The following NAPG variants were observed in gnomAD, a reference collection of about 807,000 sequenced individuals.
NAPG encodes gamma-soluble NSF attachment protein.
In NAPG, 25 loss-of-function variants were observed where a neutral mutation model predicts 48.4. The observed-to-expected ratio is 0.52, with a 90% CI of 0.38 to 0.72. The LOEUF (loss-of-function observed/expected upper bound fraction) is 0.72. NAPG is among the 30% of genes least tolerant of loss of function. The probability of loss-of-function intolerance (pLI) is 0.00; values close to 1 mark genes in which losing one functional copy is unlikely to be tolerated. For synonymous variants in NAPG, 139 were observed against 127.2 expected (o/e 1.09, Z -0.62); for missense variants, 359 against 372.5 (o/e 0.96, Z 0.30).
chr18:10,538,037 A>G (rs2032071017), intron 5 of NAPG, among the ~76,000 whole-genome samples: 1 of 152,120 alleles, frequency 6.6e-6, no homozygotes, highest in African/African-American at 2.4e-5. Flanking sequence ...TCAACACTAA[A>G]TAAGTTGCTT....
intron 1 of NAPG, 35 bp downstream of exon 1, chr18:10,526,193 C>T (rs1598407816): frequency 6.4e-7 from 1 of 1,560,526 alleles, no homozygotes; most frequent in East Asian, 2.3e-5. Flanking sequence ...TGTGTGTAGA[C>T]GCCGGGTCCG....
Position 10,546,264 on chromosome 18 carries a change from A to G in NAPG, c.507-62A>G. Reference sequence around the variant, plus strand: ...ATCTATGATGTCAAGTACATTTCACAGGGGACCTCTGCTATAGATCATTTA... The same window carrying G: ...ATCTATGATGTCAAGTACATTTCACGGGGGACCTCTGCTATAGATCATTTA... On this transcript the variant is annotated intron_variant, in intron 8 of 11. Transcript: ENST00000322897. The surrounding 1 kb of genome is among the most constrained non-coding windows in gnomAD (Gnocchi z 4.0). The G allele has an allele frequency of 1.9e-6, 2 of 1,047,870 alleles. No homozygotes were observed. Among genetic ancestry groups the G allele is most frequent in the Non-Finnish European group, 2.8e-6 (2 of 720,232 alleles). 64.9% of individuals were successfully genotyped at this position (1,047,870 alleles called of 1,614,324 possible). A position where few individuals can be genotyped will look rare whatever the true frequency, so the allele number is the denominator to read the frequency against.
Position 10,540,345 on chromosome 18 carries a change from G to A in NAPG, c.452G>A (p.Arg151Gln), listed in dbSNP as rs200300448. The A allele has an allele frequency of 6.2e-5, 100 of 1,613,684 alleles. No homozygotes were observed. The highest frequency in any genetic ancestry group is 3.8e-4 in the South Asian group (35 of 91,060). The change falls in exon 8 of 12, where the codon CGA (arginine) becomes CAA (glutamine). Residue 151 changes from arginine to glutamine, a missense_variant. Transcript: ENST00000322897. ...ANVFENEERL[R>Q]QAVELLGKAS... Reference sequence around the variant, plus strand: ...TTCCTTCAGAATGAAGAACGCTTACGACAGGCAGTTGAATTACTAGGAAAA... The same window carrying A: ...TTCCTTCAGAATGAAGAACGCTTACAACAGGCAGTTGAATTACTAGGAAAA...
At position 10,543,729 on chromosome 18, in the gene NAPG, G is replaced by T. The variant is rs1055956704; in HGVS notation, c.507-2597G>T. On this transcript the variant is annotated intron_variant, in intron 8 of 11. Transcript: ENST00000322897. The surrounding 1 kb of genome is among the most constrained non-coding windows in gnomAD (Gnocchi z 4.4). ...ATAAAAACAATTTATTCTTTTTTCA[G>T]CAAAACCAAATTCTTGTCATTTTGT... Among the ~76,000 whole-genome samples, 3 of 152,086 alleles carry T rather than the reference G, an allele frequency of 2.0e-5. No individual in the cohort carries two copies. The highest frequency in any genetic ancestry group is 7.2e-5 in the African/African-American group (3 of 41,434).
At chr18:10,532,193 G>C (rs546680134) in intron 2 of NAPG, among the ~76,000 whole-genome samples, 10 of 151,860 alleles carry the variant, frequency 6.6e-5, no homozygotes, top group Non-Finnish European at 1.5e-4. Flanking sequence ...TTCATAGATA[G>C]TAAACAGTAT....
rs1176198043 is a variant in NAPG, at chr18:10,534,539, T to G, written c.258+43T>G. On this transcript the variant is annotated intron_variant, in intron 5 of 11. Transcript: ENST00000322897. This position sits in a 1 kb window ranked among gnomAD's most constrained non-coding sequence, Gnocchi z 5.0. ...ACAATTGTTGTGTAGGTAAAATGAATTAACTACAAGGTGTTAAACAAGAAT... is the reference window on the plus strand; with the variant it reads ...ACAATTGTTGTGTAGGTAAAATGAAGTAACTACAAGGTGTTAAACAAGAAT... The G allele has an allele frequency of 3.1e-6, 5 of 1,589,146 alleles. No individual in the cohort carries two copies. In the Admixed American group the frequency reaches 6.7e-5, roughly 21 times the overall value.
chr18:10,530,667 CTTTTT>C (rs71169932), intron 1 of NAPG, 98 bp from the exon 2 acceptor site: 21 of 480,760 alleles, frequency 4.4e-5, no homozygotes, highest in Admixed American at 9.7e-5. Context: ...ATGGTTTCTC[CTTTTT>C]TTTTTTTTTT....
rs1339138803 is a variant in NAPG, at chr18:10,544,447, T to C, written c.507-1879T>C. ...CAGAATTGATTTCCTTGCAGCTGTG[T>C]GGAAGAGATTCCTGTTTTCTTGTTG... On this transcript the variant is annotated intron_variant, in intron 8 of 11. Coordinates refer to ENST00000322897, the MANE Select transcript of NAPG (RefSeq NM_003826.3). This position sits in a 1 kb window ranked among gnomAD's most constrained non-coding sequence, Gnocchi z 5.1. Among the ~76,000 whole-genome samples the C allele has an allele frequency of 1.3e-5, 2 of 152,242 alleles. No individual in the cohort carries two copies. The highest frequency in any genetic ancestry group is 4.8e-5 in the African/African-American group (2 of 41,464).
At chr18:10,529,508 C>T (rs768659010) in intron 1 of NAPG, among the ~76,000 whole-genome samples, 8 of 152,198 alleles carry the variant, frequency 5.3e-5, no homozygotes, top group Middle Eastern at 3.2e-3. Flanking sequence ...AATTCTAGCT[C>T]TTTGGGAGGC....
Position 10,543,665 on chromosome 18 carries a change from A to G in NAPG, c.507-2661A>G, listed in dbSNP as rs1223623592. On this transcript the variant is annotated intron_variant, in intron 8 of 11. Coordinates refer to ENST00000322897, the MANE Select transcript of NAPG (RefSeq NM_003826.3). This position sits in a 1 kb window ranked among gnomAD's most constrained non-coding sequence, Gnocchi z 4.4. ...TGACAGTTTTCTGCCATTTGCACAT[A>G]ACTTCTGTGGGGTTTCAATTTTGTT... 6.6e-6 allele frequency among the ~76,000 whole-genome samples: 1 copy of G among 152,176 alleles called. No homozygotes were observed. The highest frequency in any genetic ancestry group is 1.5e-5 in the Non-Finnish European group (1 of 68,038).
chr18:10,539,805 C>G lies in NAPG; in HGVS notation c.302C>G (p.Ala101Gly), dbSNP rs1486069639. ...LPEAVQLIEK[A>G]SMMYLENGTP... ...GAGGCCGTTCAGCTAATTGAGAAGGCCAGCATGATGTATCTAGAAAACGGC... is the reference window on the plus strand; with the variant it reads ...GAGGCCGTTCAGCTAATTGAGAAGGGCAGCATGATGTATCTAGAAAACGGC... The change falls in exon 6 of 12, where the codon GCC (alanine) becomes GGC (glycine). Residue 101 changes from alanine (A) to glycine (G), a missense_variant. By Grantham distance (60) the Ala-to-Gly change is moderately conservative (BLOSUM62 0). Coordinates refer to ENST00000322897, the MANE Select transcript of NAPG (RefSeq NM_003826.3). This position sits in a 1 kb window ranked among gnomAD's most constrained non-coding sequence, Gnocchi z 4.7. 6.2e-7 allele frequency: 1 copy of G among 1,613,854 alleles called. No homozygotes were observed. Among genetic ancestry groups the G allele is most frequent in the African/African-American group, 1.3e-5 (1 of 74,900 alleles).
At chr18:10,549,233 A>G (rs1468753234) in intron 11 of NAPG, 137 bp downstream of exon 11, 3 of 973,830 alleles carry the variant, frequency 3.1e-6, no homozygotes, top group Non-Finnish European at 4.5e-6. Flanking sequence ...CTCATAAGGA[A>G]ACTGACCACT....
At position 10,529,180 on chromosome 18, in the gene NAPG, G is replaced by C. The variant is rs182591880; in HGVS notation, c.57-1590G>C. Among the ~76,000 whole-genome samples, 6 of 152,252 alleles carry C rather than the reference G, an allele frequency of 3.9e-5. 1 individual carries two copies. The highest frequency in any genetic ancestry group is 6.5e-5 in the Admixed American group (1 of 15,292). Reference sequence around the variant, plus strand: ...TAGCACATTAGGTGACGGAGTGATTGTATCTTGTTTTTAGTGGGATTAAAA... The same window carrying C: ...TAGCACATTAGGTGACGGAGTGATTCTATCTTGTTTTTAGTGGGATTAAAA... On this transcript the variant is annotated intron_variant, in intron 1 of 11. Transcript: ENST00000322897.
At chr18:10,529,490 A>G (rs1281270682) in intron 1 of NAPG, among the ~76,000 whole-genome samples, 1 of 152,230 alleles carries the variant, frequency 6.6e-6, no homozygotes, top group Non-Finnish European at 1.5e-5. Flanking sequence ...ACAGTGGCTC[A>G]TGCCGGTAAT....
rs140281885 is a variant in NAPG, at chr18:10,539,587, G to A, written c.259-175G>A. 5.1e-3 allele frequency: 3,007 copies of A among 585,376 alleles called. 77 individuals are homozygous for A. The highest frequency in any genetic ancestry group is 0.047 in the East Asian group (1,619 of 34,528). The allele number at this position is 585,376 out of a possible 1,614,324, so 36.3% of individuals were successfully genotyped here. A position where few individuals can be genotyped will look rare whatever the true frequency, so the allele number is the denominator to read the frequency against. ...TGCGGGGCTTAAAACCTAGATGATG[G>A]GTTGATAGGTATAGCAAACCACCAT... On this transcript the variant is annotated intron_variant, in intron 5 of 11. Transcript: ENST00000322897. The surrounding 1 kb of genome is among the most constrained non-coding windows in gnomAD (Gnocchi z 4.7).
chr18:10,546,273 C>T lies in NAPG; in HGVS notation c.507-53C>T, dbSNP rs1598412784. On this transcript the variant is annotated intron_variant, in intron 8 of 11. Coordinates refer to ENST00000322897, the MANE Select transcript of NAPG (RefSeq NM_003826.3). This position sits in a 1 kb window ranked among gnomAD's most constrained non-coding sequence, Gnocchi z 4.0. ...GTCAAGTACATTTCACAGGGGACCT[C>T]TGCTATAGATCATTTAGACCTGCTT... 1 of 1,182,778 alleles carries T rather than the reference C, an allele frequency of 8.5e-7. No individual in the cohort carries two copies. Among genetic ancestry groups the T allele is most frequent in the East Asian group, 2.6e-5 (1 of 38,954 alleles). The allele number at this position is 1,182,778 out of a possible 1,614,324, so 73.3% of individuals were successfully genotyped here.
intron 8 of NAPG, among the ~76,000 whole-genome samples, chr18:10,541,725 A>T (rs1437697894): frequency 6.6e-6 from 1 of 152,174 alleles, no homozygotes; most frequent in Non-Finnish European, 1.5e-5. Flanking sequence ...TAAGCCCCTT[A>T]CTATAAGACC....
At position 10,534,226 on chromosome 18, in the gene NAPG, A is replaced by C. The variant is rs2031986712; in HGVS notation, c.228-240A>C. Among the ~76,000 whole-genome samples the C allele has an allele frequency of 6.6e-6, 1 of 152,218 alleles. No homozygotes were observed. The highest frequency in any genetic ancestry group is 2.4e-5 in the African/African-American group (1 of 41,458). On this transcript the variant is annotated intron_variant, in intron 4 of 11. Transcript: ENST00000322897. This position sits in a 1 kb window ranked among gnomAD's most constrained non-coding sequence, Gnocchi z 5.0. ...AATTTAACCTTACTGAGCCTTACTT[A>C]ATTTTGCATCTGCAAAATAAAATCT...
intron 5 of NAPG, among the ~76,000 whole-genome samples, chr18:10,535,865 A>G (rs1332040961): frequency 6.6e-6 from 1 of 152,230 alleles, no homozygotes; most frequent in South Asian, 2.1e-4. Flanking sequence ...CAAACATGCA[A>G]CTGAATTGGT....
Sources: gnomAD v4.1 joint callset for allele counts (sites outside exome capture counted in the v4.1 genomes callset) on GRCh38, gnomAD v4.1.1 for gene constraint, Gnocchi (gnomAD v3.1) non-coding constraint, MANE v1.5 for transcripts, NCBI Gene and HGNC (gene_info 2026-07-23, HGNC 2026-07-21) for gene names.